Variants in RASGEF1C observed in about 807,000 individuals in gnomAD.
RASGEF1C encodes the protein RasGEF domain family member 1C, also known as ras-GEF domain-containing family member 1C.
Under a neutral mutation model 58.1 loss-of-function variants are expected in RASGEF1C, and 27 were observed. The ratio of observed to expected loss-of-function variants is 0.46; its 90% CI spans 0.34 to 0.64. The LOEUF is 0.64. Among genes scored for constraint, RASGEF1C ranks in the 30% least tolerant of loss-of-function variants. The probability of loss-of-function intolerance (pLI) is 0.01; values close to 1 mark genes in which losing one functional copy is unlikely to be tolerated. For synonymous variants in RASGEF1C, 243 were observed against 246.3 expected (o/e 0.99, Z 0.13); for missense variants, 502 against 605.1 (o/e 0.83, Z 1.79).
At chr5:180,142,289 A>G (rs1028787049) in intron 1 of RASGEF1C, among the ~76,000 whole-genome samples, 10 of 152,124 alleles carry the variant, frequency 6.6e-5, no homozygotes, top group Admixed American at 5.2e-4. Context: ...CATGAAATGA[A>G]TGAGACTTAA....
At chr5:180,138,779 C>T (rs1766530004) in intron 1 of RASGEF1C, among the ~76,000 whole-genome samples, 2 of 152,218 alleles carry the variant, frequency 1.3e-5, no homozygotes, top group African/African-American at 4.8e-5. Context: ...GCTCTTGGCA[C>T]CAGCCACGTT....
In RASGEF1C at chr5:180,155,978, C is replaced by T. The variant is rs576054149; in HGVS notation, c.-6-17920G>A. 2.6e-5 allele frequency among the ~76,000 whole-genome samples: 4 copies of T among 152,166 alleles called. No homozygotes were observed. Among genetic ancestry groups the T allele is most frequent in the East Asian group, 1.9e-4 (1 of 5,160 alleles). ...TTAGAGCAAAGCCTGGGCTTTGCTT[C>T]GAGACAATTACTATTATTATTATTA... On this transcript the variant is annotated intron_variant, in intron 1 of 13. Coordinates refer to ENST00000361132, the MANE Select transcript of RASGEF1C (RefSeq NM_175062.4). The surrounding 1 kb of genome is among the most constrained non-coding windows in gnomAD (Gnocchi z 5.2).
intron 3 of RASGEF1C, chr5:180,136,755 C>T (rs1766486210): frequency 3.6e-6 from 2 of 552,302 alleles, no homozygotes; most frequent in Middle Eastern, 4.8e-4. Flanking sequence ...CGGCTCCATC[C>T]TCCCTGGTGA....
At chr5:180,113,619 C>T (rs187237309) in intron 11 of RASGEF1C, among the ~76,000 whole-genome samples, 1,019 of 64,090 alleles carry the variant, frequency 0.016, 76 homozygotes, top group Middle Eastern at 0.023. Flanking sequence ...CGGGGATGGA[C>T]GGAGGGATCC....
intron 1 of RASGEF1C, among the ~76,000 whole-genome samples, chr5:180,142,113 C>G (rs1446392749): frequency 6.6e-6 from 1 of 151,444 alleles, no homozygotes; most frequent in African/African-American, 2.5e-5. Flanking sequence ...CATAGATGGG[C>G]TGTCAGCATG....
chr5:180,131,161 G>T (rs1766361274), intron 4 of RASGEF1C, among the ~76,000 whole-genome samples: 1 of 152,164 alleles, frequency 6.6e-6, no homozygotes, highest in Non-Finnish European at 1.5e-5. Flanking sequence ...AGCCACAGAG[G>T]TCTGTTCAAA....
intron 1 of RASGEF1C, among the ~76,000 whole-genome samples, chr5:180,206,128 C>T (rs1756484225): frequency 6.6e-6 from 1 of 152,134 alleles, no homozygotes; most frequent in Non-Finnish European, 1.5e-5. Flanking sequence ...CACTAGAAAG[C>T]CCAGAAACAG....
intron 1 of RASGEF1C, among the ~76,000 whole-genome samples, chr5:180,204,111 T>C (rs1218963322): frequency 6.6e-6 from 1 of 152,238 alleles, no homozygotes; most frequent in Non-Finnish European, 1.5e-5. Context: ...TTCTCATTGT[T>C]CAAGGGCCAA....
At chr5:180,112,007 C>T (rs926360740) in intron 11 of RASGEF1C, among the ~76,000 whole-genome samples, 14 of 152,284 alleles carry the variant, frequency 9.2e-5, no homozygotes, top group South Asian at 2.1e-4. Context: ...CAGGGACCCC[C>T]GCTCCACGAC....
chr5:180,121,672 C>T (rs1331127008), intron 6 of RASGEF1C, among the ~76,000 whole-genome samples: 1 of 63,536 alleles, frequency 1.6e-5, no homozygotes, highest in Admixed American at 1.5e-4. Context: ...CACACACACA[C>T]ACACACACAC....
At chr5:180,127,549 G>A (rs1350490978) in intron 6 of RASGEF1C, 60 bp downstream of exon 6, 6 of 1,499,816 alleles carry the variant, frequency 4.0e-6, no homozygotes, top group African/African-American at 1.4e-5. Context: ...CGGGCTCCCC[G>A]GAGAGCGGCC....
At chr5:180,181,954 A>C (rs1207470238) in intron 1 of RASGEF1C, among the ~76,000 whole-genome samples, 1 of 151,574 alleles carries the variant, frequency 6.6e-6, no homozygotes, top group African/African-American at 2.4e-5. Context: ...CTGTAATCCT[A>C]GCACTTTGGG....
At chr5:180,208,296 C>A (rs1490242044) in intron 1 of RASGEF1C, among the ~76,000 whole-genome samples, 12 of 152,114 alleles carry the variant, frequency 7.9e-5, no homozygotes, top group Admixed American at 7.9e-4. Flanking sequence ...AGATACGGGC[C>A]CGGAAGAGCT....
chr5:180,114,144 C>T (rs576110528), intron 11 of RASGEF1C, among the ~76,000 whole-genome samples: 1 of 152,342 alleles, frequency 6.6e-6, no homozygotes, highest in South Asian at 2.1e-4. Flanking sequence ...CTGGTTGTCA[C>T]TGTGGGCCCA....
intron 1 of RASGEF1C, among the ~76,000 whole-genome samples, chr5:180,164,904 T>A (rs1766995269): frequency 6.6e-6 from 1 of 152,238 alleles, no homozygotes; most frequent in South Asian, 2.1e-4. Context: ...CTATTTTGCC[T>A]TTCAGTTCTG....
At chr5:180,134,140 C>T (rs548899936) in intron 4 of RASGEF1C, among the ~76,000 whole-genome samples, 1 of 152,268 alleles carries the variant, frequency 6.6e-6, no homozygotes, top group Non-Finnish European at 1.5e-5. Context: ...GGGGAACAAC[C>T]CACAGTCCAC....
At chr5:180,146,988 A>G (rs753053439) in intron 1 of RASGEF1C, among the ~76,000 whole-genome samples, 3 of 152,094 alleles carry the variant, frequency 2.0e-5, no homozygotes, top group East Asian at 3.9e-4. Context: ...AAACCTCATT[A>G]TTAGTTATAG....
intron 1 of RASGEF1C, among the ~76,000 whole-genome samples, chr5:180,178,759 G>A (rs148336577): frequency 6.6e-6 from 1 of 152,122 alleles, no homozygotes; most frequent in Non-Finnish European, 1.5e-5. Flanking sequence ...AGATGTGGGC[G>A]GGGTCCTTAT....
At chr5:180,174,411 T>C (rs1376135756) in intron 1 of RASGEF1C, among the ~76,000 whole-genome samples, 1 of 149,940 alleles carries the variant, frequency 6.7e-6, no homozygotes, top group South Asian at 2.1e-4. Flanking sequence ...CGTCTGTGTG[T>C]GCGTGCGTGC....
Sources: allele counts gnomAD v4.1 joint callset (sites outside exome capture counted in the v4.1 genomes callset), GRCh38; gene constraint gnomAD v4.1.1; non-coding constraint Gnocchi (gnomAD v3.1); transcripts MANE v1.5; gene names NCBI Gene and HGNC (gene_info 2026-07-23, HGNC 2026-07-21).